Variants in PHF21A observed in about 807,000 individuals in gnomAD.
PHF21A encodes PHD finger protein 21A.
Under a neutral mutation model 82.5 loss-of-function variants are expected in PHF21A, and 11 were observed. The observed-to-expected ratio is 0.13, with a 90% CI of 0.08 to 0.22. PHF21A has a LOEUF of 0.22. Ranked by LOEUF, PHF21A falls within the 10% of genes least tolerant of loss-of-function variation. PHF21A has a pLI of 1.00. For synonymous variants in PHF21A, 297 were observed against 302.8 expected (o/e 0.98, Z 0.20); for missense variants, 579 against 837.8 (o/e 0.69, Z 3.81).
chr11:46,083,744 T>G (rs1008126907), intron 4 of PHF21A: 3 of 152,636 alleles, frequency 2.0e-5, no homozygotes, highest in African/African-American at 7.2e-5. Context: ...ATAATCACAT[T>G]TTCTTTAAGA....
intron 12 of PHF21A, 60 bp from the exon 13 acceptor site, chr11:45,949,541 T>C: frequency 7.6e-7 from 1 of 1,318,264 alleles, no homozygotes; most frequent in Non-Finnish European, 1.1e-6. Context: ...AAAACTTAAC[T>C]TCATTGTTTT....
At chr11:46,071,832 A>G (rs1050475802) in intron 6 of PHF21A, among the ~76,000 whole-genome samples, 1 of 152,218 alleles carries the variant, frequency 6.6e-6, no homozygotes, top group Non-Finnish European at 1.5e-5. Context: ...GTTAAAAATC[A>G]TGTTCTCAAA....
Position 45,930,678 on chromosome 11 carries a change from G to A in PHF21A, c.*3290C>T, listed in dbSNP as rs1055563914. ...GGACTCCCAGTCATCACTGCCACCA[G>A]GGCGCAGCGCCTGATCAGGAGCTGG... On this transcript the variant is annotated 3_prime_UTR_variant, in exon 19 of 19. Transcript: ENST00000676320. 6.6e-6 allele frequency: 1 copy of A among 152,400 alleles called. No individual in the cohort carries two copies. The highest frequency in any genetic ancestry group is 2.4e-5 in the African/African-American group (1 of 41,442). The allele number at this position is 152,400 out of a possible 1,614,324, so 9.4% of individuals were successfully genotyped here. A position where few individuals can be genotyped will look rare whatever the true frequency, so the allele number is the denominator to read the frequency against.
intron 6 of PHF21A, among the ~76,000 whole-genome samples, chr11:46,032,631 C>T (rs895204222): frequency 6.6e-6 from 1 of 152,070 alleles, no homozygotes; most frequent in Non-Finnish European, 1.5e-5. Context: ...ATGTAGATTC[C>T]TATTCCAAAA....
At chr11:46,031,952 C>T (rs1362575133) in intron 6 of PHF21A, among the ~76,000 whole-genome samples, 2 of 152,136 alleles carry the variant, frequency 1.3e-5, no homozygotes, top group Non-Finnish European at 2.9e-5. Context: ...CCCAATTTTC[C>T]CCAATGCACA....
Position 45,931,324 on chromosome 11 carries a change from G to C in PHF21A, c.*2644C>G, listed in dbSNP as rs1011022241. On this transcript the variant is annotated 3_prime_UTR_variant, in exon 19 of 19. Transcript: ENST00000676320. ...GGGCCCAGACAAGTTGAGGGGAAGA[G>C]CTCTAGACAGGGCAGACAGCCTGCT... 2 of 152,228 alleles carry C rather than the reference G, an allele frequency of 1.3e-5. No homozygotes were observed. Among genetic ancestry groups the C allele is most frequent in the African/African-American group, 4.8e-5 (2 of 41,458 alleles). 9.4% of individuals were successfully genotyped at this position (152,228 alleles called of 1,614,324 possible). A position where few individuals can be genotyped will look rare whatever the true frequency, so the allele number is the denominator to read the frequency against.
chr11:46,080,566 C>T (rs72904393), intron 4 of PHF21A, among the ~76,000 whole-genome samples: 3,207 of 152,264 alleles, frequency 0.021, 52 homozygotes, highest in Non-Finnish European at 0.033. Flanking sequence ...CAAAAAAGGT[C>T]CCAAACTACT....
chr11:46,018,186 C>G (rs2095555374), intron 6 of PHF21A, among the ~76,000 whole-genome samples: 1 of 148,442 alleles, frequency 6.7e-6, no homozygotes, highest in Non-Finnish European at 1.5e-5. Flanking sequence ...GGAGGCGGAG[C>G]TTGCAGTGAG....
chr11:46,048,052 T>C (rs546330490), intron 6 of PHF21A, among the ~76,000 whole-genome samples: 18 of 152,302 alleles, frequency 1.2e-4, no homozygotes, highest in African/African-American at 4.3e-4. Context: ...GCTTTTAACA[T>C]ATTCACAGTT....
At chr11:46,022,950 C>A (rs568566614) in intron 6 of PHF21A, among the ~76,000 whole-genome samples, 1 of 151,880 alleles carries the variant, frequency 6.6e-6, no homozygotes, top group African/African-American at 2.4e-5. Context: ...AGGGTTTCGC[C>A]ATCTTGGCCA....
intron 6 of PHF21A, among the ~76,000 whole-genome samples, chr11:46,043,399 T>C (rs1463686527): frequency 2.0e-5 from 3 of 152,130 alleles, no homozygotes; most frequent in Non-Finnish European, 4.4e-5. Flanking sequence ...CAATACAAGG[T>C]TTTCCTCAAA....
chr11:46,065,773 G>A (rs1183602290), intron 6 of PHF21A, among the ~76,000 whole-genome samples: 1 of 152,198 alleles, frequency 6.6e-6, no homozygotes, highest in Admixed American at 6.5e-5. Flanking sequence ...AAGCACTAGG[G>A]TATAAAGCGG....
intron 16 of PHF21A, chr11:45,936,899 C>A (rs2089217382): frequency 4.4e-6 from 1 of 227,660 alleles, no homozygotes; most frequent in African/African-American, 2.3e-5. Context: ...AAAAGCTGCA[C>A]ATCAGCATGA....
chr11:46,089,212 G>A (rs780474268), intron 3 of PHF21A, among the ~76,000 whole-genome samples: 12 of 152,084 alleles, frequency 7.9e-5, no homozygotes, highest in South Asian at 4.1e-4. Flanking sequence ...AGTCATCTAC[G>A]TATCTTTACT....
intron 16 of PHF21A, 89 bp downstream of exon 16, chr11:45,938,068 G>T: frequency 8.8e-7 from 1 of 1,142,102 alleles, no homozygotes; most frequent in Non-Finnish European, 1.2e-6. Flanking sequence ...AGAGAGAAGA[G>T]ACTGCCATTT....
At chr11:46,012,180 C>T (rs1359770187) in intron 6 of PHF21A, among the ~76,000 whole-genome samples, 1 of 152,196 alleles carries the variant, frequency 6.6e-6, no homozygotes, top group African/African-American at 2.4e-5. Flanking sequence ...TTCTAATCAT[C>T]CATGTGTGAT....
chr11:45,965,634 T>C (rs377627425), intron 9 of PHF21A, 26 bp from the exon 10 acceptor site: 12 of 1,502,040 alleles, frequency 8.0e-6, no homozygotes, highest in Admixed American at 6.9e-5. Flanking sequence ...AGAATAATTA[T>C]TGTATTACTT....
intron 6 of PHF21A, among the ~76,000 whole-genome samples, chr11:46,034,084 G>T (rs1305200378): frequency 6.6e-6 from 1 of 152,052 alleles, no homozygotes; most frequent in Non-Finnish European, 1.5e-5. Flanking sequence ...TCTCACTGTG[G>T]TTTTAAATCT....
At chr11:46,062,000 A>G (rs2096540452) in intron 6 of PHF21A, among the ~76,000 whole-genome samples, 2 of 152,204 alleles carry the variant, frequency 1.3e-5, no homozygotes, top group South Asian at 4.1e-4. Flanking sequence ...TTTGTAAAGC[A>G]TCATTCCAAT....
Sources: allele counts gnomAD v4.1 joint callset (sites outside exome capture counted in the v4.1 genomes callset), GRCh38; gene constraint gnomAD v4.1.1; transcripts MANE v1.5; gene names NCBI Gene and HGNC (gene_info 2026-07-23, HGNC 2026-07-21).